SPECC1: variants seen among roughly 807,000 people sequenced by gnomAD.
SPECC1 encodes cytospin-B.
SPECC1 carries 62 observed loss-of-function variants against 104.1 expected under a neutral mutation model. The ratio of observed to expected loss-of-function variants is 0.60; its 90% confidence interval spans 0.49 to 0.74. The LOEUF (loss-of-function observed/expected upper bound fraction) is 0.74. SPECC1 is among the 30% of genes least tolerant of loss of function. The pLI, the probability that SPECC1 is intolerant of heterozygous loss-of-function variation, is 0.00. For synonymous variants in SPECC1, 513 were observed against 501.6 expected (o/e 1.02, Z -0.30); for missense variants, 1,306 against 1,310.5 (o/e 1.00, Z 0.05).
intron 14 of SPECC1, among the ~76,000 whole-genome samples, chr17:20,311,200 T>C (rs2041921746): frequency 6.6e-6 from 1 of 152,060 alleles, no homozygotes; most frequent in Admixed American, 6.6e-5. Flanking sequence ...AATGGACTTT[T>C]GTATACTGAC....
At chr17:20,112,084 T>C (rs564978790) in intron 3 of SPECC1, 1 of 765,970 alleles carries the variant, frequency 1.3e-6, no homozygotes, top group South Asian at 1.3e-5. Context: ...GGATTCCACA[T>C]AGACTGGCTA....
chr17:20,233,456 T>C (rs552542189), intron 7 of SPECC1, among the ~76,000 whole-genome samples: 2 of 152,334 alleles, frequency 1.3e-5, no homozygotes, highest in South Asian at 4.1e-4. Flanking sequence ...TTACATAAAA[T>C]GGCCTTTGGG....
rs753038255 is a variant in SPECC1 at position 20,205,016 on chromosome 17, T to G, written c.967T>G (p.Ser323Ala). Residue 323 changes from serine (S) to alanine (A), a missense_variant, in exon 4 of 15, where the codon TCT (serine) becomes GCT (alanine). By Grantham distance (99) the Ser-to-Ala change is moderately conservative. This residue lies in a region of SPECC1 where 1,177 missense variants were observed against 1,139.9 expected (regional missense o/e 1.03). Transcript: ENST00000395527. ...CTCAAGTAGCGATGTTACCAAAGCT[T>G]CTTTGTCGCCAGATGCTTCCGACTT... Reference protein sequence around the residue: ...GSSSSDVTKASLSPDASDFEH... With the variant: ...GSSSSDVTKAALSPDASDFEH... The G allele has an allele frequency of 2.5e-6, 4 of 1,613,976 alleles. No homozygotes were observed. Among genetic ancestry groups the G allele is most frequent in the Non-Finnish European group, 3.4e-6 (4 of 1,179,992 alleles).
intron 12 of SPECC1, among the ~76,000 whole-genome samples, chr17:20,284,312 G>A (rs2040871615): frequency 6.6e-6 from 1 of 152,226 alleles, no homozygotes; most frequent in African/African-American, 2.4e-5. Context: ...GGCAGCCAAA[G>A]CTGCACATTT....
rs556447888 is a variant in SPECC1, at chr17:20,112,831, CTG to C, written c.283+2271_283+2272del. The C allele has an allele frequency of 1.4e-5, 22 of 1,582,068 alleles. No homozygotes were observed. The South Asian group carries it at 2.2e-4, about 16-fold the overall frequency. On this transcript the variant is annotated intron_variant, in intron 3 of 14. Transcript: ENST00000395527. ...CCTTAAAAAATGCAAAGTTGAAGAACTGTAACCTCAGAGGAGCAACTCTGGCA... is the reference window on the plus strand; with the variant it reads ...CCTTAAAAAATGCAAAGTTGAAGAACTAACCTCAGAGGAGCAACTCTGGCA...
intron 3 of SPECC1, chr17:20,155,817 G>T (rs2032419583): frequency 1.4e-6 from 1 of 690,932 alleles, no homozygotes; most frequent in African/African-American, 1.9e-5. Context: ...CAGCCGGTCA[G>T]CCGGTGCGTC....
intron 1 of SPECC1, among the ~76,000 whole-genome samples, chr17:20,050,416 CTGTT>C (rs376140225): frequency 1.6e-3 from 246 of 152,264 alleles, no homozygotes; most frequent in African/African-American, 5.3e-3. Context: ...TAGTCCATGT[CTGTT>C]TGTCTATTCA....
intron 7 of SPECC1, among the ~76,000 whole-genome samples, chr17:20,242,322 T>G (rs1265588534): frequency 1.3e-5 from 2 of 152,288 alleles, no homozygotes; most frequent in East Asian, 1.9e-4. Flanking sequence ...GGGAAATAAT[T>G]AGAGACATGT....
At chr17:20,279,289 G>T (rs1250913118) in intron 12 of SPECC1, among the ~76,000 whole-genome samples, 1 of 150,010 alleles carries the variant, frequency 6.7e-6, no homozygotes, top group Non-Finnish European at 1.5e-5. Context: ...GGTTAACGGA[G>T]TTGAAGGTTA....
rs190022872 is a variant in SPECC1 at position 20,312,450 on chromosome 17, G to A, written c.3118-1526G>A. On this transcript the variant is annotated intron_variant, in intron 14 of 14. Transcript: ENST00000395527. Reference sequence around the variant, plus strand: ...CAAAACTGAATATTGATTGGACTTCGGAGTCCTCTCTGAGATTAAAGACAC... The same window carrying A: ...CAAAACTGAATATTGATTGGACTTCAGAGTCCTCTCTGAGATTAAAGACAC... Among the ~76,000 whole-genome samples the A allele has an allele frequency of 1.1e-4, 16 of 152,240 alleles. No homozygotes were observed. The East Asian group carries it at 2.5e-3, about 24-fold the overall frequency.
At chr17:20,180,328 A>G (rs1382280074) in intron 3 of SPECC1, among the ~76,000 whole-genome samples, 1 of 152,240 alleles carries the variant, frequency 6.6e-6, no homozygotes, top group African/African-American at 2.4e-5. Context: ...CCTATTAAAA[A>G]ACAAAGGTCC....
chr17:20,195,882 G>A (rs2036000451), intron 3 of SPECC1, among the ~76,000 whole-genome samples: 1 of 152,202 alleles, frequency 6.6e-6, no homozygotes, highest in Admixed American at 6.5e-5. Flanking sequence ...CAGGTCATAA[G>A]CAGGTTTTTG....
chr17:20,137,938 T>C (rs1348804222), intron 3 of SPECC1, among the ~76,000 whole-genome samples: 2 of 151,912 alleles, frequency 1.3e-5, no homozygotes, highest in African/African-American at 4.8e-5. Flanking sequence ...GTACTAGGAT[T>C]ACAGGCGTGA....
At chr17:20,167,874 TTAAC>T (rs1217434753) in intron 3 of SPECC1, among the ~76,000 whole-genome samples, 2 of 152,232 alleles carry the variant, frequency 1.3e-5, no homozygotes, top group Non-Finnish European at 2.9e-5. Flanking sequence ...AATTTAATAA[TTAAC>T]ATATGCTAGA....
intron 1 of SPECC1, among the ~76,000 whole-genome samples, chr17:20,040,007 GTCC>G (rs1254676169): frequency 7.2e-5 from 11 of 151,892 alleles, no homozygotes; most frequent in Middle Eastern, 3.2e-3. Context: ...AATTTAGTTT[GTCC>G]TCCTCTTTTT....
intron 3 of SPECC1, among the ~76,000 whole-genome samples, chr17:20,156,741 T>G (rs2032593575): frequency 6.6e-6 from 1 of 152,216 alleles, no homozygotes; most frequent in African/African-American, 2.4e-5. Context: ...CGCCTCTGGT[T>G]ATCCCGTTTT....
chr17:20,110,494 G>A lies in SPECC1; in HGVS notation c.215G>A (p.Arg72His), dbSNP rs1001557604. The change falls in exon 3 of 15, where the codon CGC becomes CAC. Residue 72 changes from arginine to histidine, a missense_variant. By Grantham distance (29) the Arg-to-His change is conservative. Coordinates refer to ENST00000395527, the MANE Select transcript of SPECC1 (RefSeq NM_001243439.2). ...PGSTAASGVV[R>H]LKKTATAGAI... is the part of the protein sequence containing the mutation. Reference sequence around the variant, plus strand: ...AGTACCGCTGCATCGGGGGTGGTTCGCCTGAAGAAGACCGCCACTGCCGGA... The same window carrying A: ...AGTACCGCTGCATCGGGGGTGGTTCACCTGAAGAAGACCGCCACTGCCGGA... 9.9e-6 allele frequency: 16 copies of A among 1,613,852 alleles called. No individual in the cohort carries two copies. Among genetic ancestry groups the A allele is most frequent in the African/African-American group, 8.0e-5 (6 of 74,908 alleles).
chr17:20,119,722 A>G (rs11868146), intron 3 of SPECC1, among the ~76,000 whole-genome samples: 12,849 of 152,270 alleles, frequency 0.084, 858 homozygotes, highest in African/African-American at 0.19. Context: ...TATCACCTCT[A>G]CAGTTGTATA....
intron 2 of SPECC1, among the ~76,000 whole-genome samples, chr17:20,106,173 A>C (rs929386470): frequency 6.6e-6 from 1 of 151,920 alleles, no homozygotes; most frequent in African/African-American, 2.4e-5. Flanking sequence ...GGAGTTTTCA[A>C]AGTTTCAAAC....
Sources: allele counts gnomAD v4.1 joint callset (sites outside exome capture counted in the v4.1 genomes callset), GRCh38; gene constraint gnomAD v4.1.1; regional missense constraint gnomAD v4.1.1; transcripts MANE v1.5; gene names NCBI Gene and HGNC (gene_info 2026-07-23, HGNC 2026-07-21).